The following CYTH1 variants were observed in gnomAD, a reference collection of about 807,000 sequenced individuals.
The protein encoded by CYTH1 is cytohesin 1, also known as cytohesin-1.
In CYTH1, 18 loss-of-function variants were observed where a neutral mutation model predicts 61.8. The observed-to-expected ratio is 0.29, with a 90% CI of 0.20 to 0.43. The LOEUF is 0.43. Among genes scored for constraint, CYTH1 ranks in the 20% least tolerant of loss-of-function variants. The probability of loss-of-function intolerance (pLI) is 1.00; values close to 1 mark genes in which losing one functional copy is unlikely to be tolerated. For synonymous variants in CYTH1, 174 were observed against 184.3 expected, an observed-to-expected ratio of 0.94 and a Z score of 0.45; for missense variants, 336 against 510.5, an observed-to-expected ratio of 0.66 and a Z score of 3.29.
At position 78,680,971 on chromosome 17, in the gene CYTH1, T is replaced by G. The variant is rs944367080; in HGVS notation, c.963A>C (p.Pro321=). 1 of 1,614,034 alleles carries G rather than the reference T, an allele frequency of 6.2e-7. No individual in the cohort carries two copies. The highest frequency in any genetic ancestry group is 1.7e-5 in the Admixed American group (1 of 60,012). ...AAAATATCTCAGCAAAAATACTCAC[T>G]GGTTTTTTGGAGTCCTCCACTTCCC... ...SIREVEDSKK[P]NCFELYIPDN... is the part of the protein sequence containing the mutation. Residue 321 remains proline (P), a splice_region_variant and synonymous_variant, in exon 12 of 14, where the codon CCA becomes CCC. Transcript: ENST00000446868.
At chr17:78,676,810 C>T (rs547114187) in intron 13 of CYTH1, 172 of 360,802 alleles carry the variant, frequency 4.8e-4, no homozygotes, top group South Asian at 3.1e-3. Context: ...CAGGCCGCGC[C>T]GCGGGCTGGA....
intron 1 of CYTH1, among the ~76,000 whole-genome samples, chr17:78,771,265 A>T (rs571078333): frequency 6.6e-6 from 1 of 152,030 alleles, no homozygotes; most frequent in Non-Finnish European, 1.5e-5. Flanking sequence ...CTGTCTGAAA[A>T]ATAAAATAAA....
intron 1 of CYTH1, among the ~76,000 whole-genome samples, chr17:78,735,207 C>T (rs1200669940): frequency 6.6e-6 from 1 of 152,184 alleles, no homozygotes; most frequent in African/African-American, 2.4e-5. Flanking sequence ...TGCCCCACCC[C>T]CATCACTCCC....
intron 9 of CYTH1, among the ~76,000 whole-genome samples, chr17:78,697,989 G>A (rs1567838418): frequency 6.6e-6 from 1 of 152,228 alleles, no homozygotes; most frequent in Non-Finnish European, 1.5e-5. Context: ...TGGGGGCAAT[G>A]ACTATGAAGT....
rs142093087 is a variant in CYTH1, at chr17:78,741,623, A to T, written c.23-31891T>A. On this transcript the variant is annotated intron_variant, in intron 1 of 13. Coordinates refer to ENST00000446868, the MANE Select transcript of CYTH1 (RefSeq NM_004762.6). Reference sequence around the variant, plus strand: ...ACAGGGGCAGCCCCCATCACTGCTAAGTCAAGACGGGGTGCGAGGGCATCA... The same window carrying T: ...ACAGGGGCAGCCCCCATCACTGCTATGTCAAGACGGGGTGCGAGGGCATCA... Among the ~76,000 whole-genome samples the T allele has an allele frequency of 3.0e-3, 459 of 152,310 alleles. 3 individuals carry two copies. Among genetic ancestry groups the T allele is most frequent in the African/African-American group, 9.8e-3 (407 of 41,564 alleles).
In CYTH1 at chr17:78,717,433, G is replaced by T. The variant is rs901322087; in HGVS notation, c.23-7701C>A. ...AGGATTAAAGTGACAAAAACAACAA[G>T]GCGCTATTGTGCTTGGCTGTGAATA... On this transcript the variant is annotated intron_variant, in intron 1 of 13. Coordinates refer to ENST00000446868, the MANE Select transcript of CYTH1 (RefSeq NM_004762.6). The surrounding 1 kb of genome is among the most constrained non-coding windows in gnomAD (Gnocchi z 4.4). Among the ~76,000 whole-genome samples the T allele has an allele frequency of 6.6e-6, 1 of 152,178 alleles. No individual in the cohort carries two copies. The highest frequency in any genetic ancestry group is 1.5e-5 in the Non-Finnish European group (1 of 68,030).
chr17:78,760,355 T>TTATATA lies in CYTH1; in HGVS notation c.22+21841_22+21846dup, dbSNP rs370393556. Among the ~76,000 whole-genome samples, 158 of 52,232 alleles carry TTATATA rather than the reference T, an allele frequency of 3.0e-3. 1 individual carries two copies. Among genetic ancestry groups the TTATATA allele is most frequent in the Admixed American group, 4.3e-3 (20 of 4,656 alleles). The allele number at this position is 52,232 out of a possible 152,430, so 34.3% of individuals were successfully genotyped here. ...TCTGGCCTCTATCCAAATAGCAGGT[T>TTATATA]TATATATATATATATATATATATAT... is the stretch of plus-strand genomic sequence containing the variant. On this transcript the variant is annotated intron_variant, in intron 1 of 13. Coordinates refer to ENST00000446868, the MANE Select transcript of CYTH1 (RefSeq NM_004762.6).
At chr17:78,711,282 A>C (rs2093127160) in intron 1 of CYTH1, among the ~76,000 whole-genome samples, 1 of 125,640 alleles carries the variant, frequency 8.0e-6, no homozygotes, top group Non-Finnish European at 1.7e-5. Context: ...ATAAATAAAT[A>C]AATAAATAAA....
intron 9 of CYTH1, 145 bp from the exon 10 acceptor site, chr17:78,696,154 G>C: frequency 4.1e-6 from 5 of 1,214,442 alleles, no homozygotes; most frequent in Non-Finnish European, 5.4e-6. Context: ...TGCCTGGGGA[G>C]AGAGCTGAAC....
chr17:78,723,985 G>A (rs2093251703), intron 1 of CYTH1: 1 of 152,302 alleles, frequency 6.6e-6, no homozygotes, highest in Non-Finnish European at 1.5e-5. Flanking sequence ...TTCCACGAGG[G>A]ACACTCCAGC....
At chr17:78,753,304 A>G (rs2144680326) in intron 1 of CYTH1, among the ~76,000 whole-genome samples, 1 of 152,294 alleles carries the variant, frequency 6.6e-6, no homozygotes, top group African/African-American at 2.4e-5. Flanking sequence ...TAATTTAATT[A>G]TAAGGAAAAA....
rs202218827 is a variant in CYTH1, at chr17:78,680,900, G to GT, written c.963+70dup. On this transcript the variant is annotated intron_variant, in intron 12 of 13. Coordinates refer to ENST00000446868, the MANE Select transcript of CYTH1 (RefSeq NM_004762.6). ...ACGCTTTTCAGTTTTTTGGTTTTGA[G>GT]TTTTTTAAAAAAAATCTTTGAAATG... 3.9e-6 allele frequency: 6 copies of GT among 1,533,326 alleles called. No homozygotes were observed. In the South Asian group the frequency reaches 4.6e-5, roughly 12 times the overall value. The allele number at this position is 1,533,326 out of a possible 1,614,324, so 95.0% of individuals were successfully genotyped here. A position where few individuals can be genotyped will look rare whatever the true frequency, so the allele number is the denominator to read the frequency against.
At chr17:78,718,168 T>G (rs962393727) in intron 1 of CYTH1, among the ~76,000 whole-genome samples, 3 of 150,118 alleles carry the variant, frequency 2.0e-5, no homozygotes, top group Non-Finnish European at 4.4e-5. Flanking sequence ...GCCCTCCTGC[T>G]AATCACGGCC....
chr17:78,762,575 T>C (rs1187533097), intron 1 of CYTH1, among the ~76,000 whole-genome samples: 1 of 152,188 alleles, frequency 6.6e-6, no homozygotes, highest in Non-Finnish European at 1.5e-5. Flanking sequence ...TGTGAACATG[T>C]TAAATTCCAT....
chr17:78,680,215 T>C lies in CYTH1; in HGVS notation c.1093A>G (p.Lys365Glu), dbSNP rs147739265. 78 of 1,614,084 alleles carry C rather than the reference T, an allele frequency of 4.8e-5. No homozygotes were observed. In the African/African-American group the frequency reaches 7.6e-4, roughly 16 times the overall value. Reference protein sequence around the residue: ...YRISAPTPEEKEEWIKCIKAA... With the variant: ...YRISAPTPEEEEEWIKCIKAA... ...TTAATGCACTTAATCCACTCCTCCT[T>C]CTCCTCGGGCGTCGGAGCTGAGATC... is the stretch of plus-strand genomic sequence containing the variant. Residue 365 changes from lysine to glutamate, a missense_variant, in exon 13 of 14, where the codon AAG becomes GAG. Physicochemically the swap from Lys to Glu is moderately conservative, Grantham distance 56. Around this residue, in one of 4 missense-constraint regions of CYTH1, gnomAD observed 83 missense variants for 115.6 expected, o/e 0.72. Transcript: ENST00000446868.
At chr17:78,721,571 T>C (rs1031134380) in intron 1 of CYTH1, among the ~76,000 whole-genome samples, 3 of 152,244 alleles carry the variant, frequency 2.0e-5, no homozygotes, top group African/African-American at 7.2e-5. Flanking sequence ...AGGGAAGACT[T>C]CGGTCCTCTT....
At chr17:78,714,725 T>C (rs919934466) in intron 1 of CYTH1, among the ~76,000 whole-genome samples, 1 of 152,152 alleles carries the variant, frequency 6.6e-6, no homozygotes, top group African/African-American at 2.4e-5. Flanking sequence ...GGCCCAGCCA[T>C]GCACAGAGCT....
At chr17:78,773,295 C>A (rs1259792334) in intron 1 of CYTH1, among the ~76,000 whole-genome samples, 3 of 152,056 alleles carry the variant, frequency 2.0e-5, no homozygotes, top group Non-Finnish European at 4.4e-5. Flanking sequence ...CACAGTGAGA[C>A]CCTGCTCTAT....
chr17:78,727,312 G>T lies in CYTH1; in HGVS notation c.23-17580C>A, dbSNP rs143775835. Among the ~76,000 whole-genome samples, 1,390 of 152,052 alleles carry T rather than the reference G, an allele frequency of 9.1e-3. 30 individuals carry two copies. The highest frequency in any genetic ancestry group is 0.065 in the East Asian group (337 of 5,182). The stretch of plus-strand genomic sequence containing the variant: ...TGTCCCATGAAAACAGAGGCCTGGG[G>T]TTTTTTTTACTTTTTTCTTTAAATT... On this transcript the variant is annotated intron_variant, in intron 1 of 13. Coordinates refer to ENST00000446868, the MANE Select transcript of CYTH1 (RefSeq NM_004762.6).
Sources: gnomAD v4.1 joint callset for allele counts (sites outside exome capture counted in the v4.1 genomes callset) on GRCh38, gnomAD v4.1.1 for gene constraint, gnomAD v4.1.1 regional missense constraint, Gnocchi (gnomAD v3.1) non-coding constraint, MANE v1.5 for transcripts, NCBI Gene and HGNC (gene_info 2026-07-23, HGNC 2026-07-21) for gene names.